Variants in DTNBP1 observed in about 807,000 individuals in gnomAD.
The protein encoded by DTNBP1 is dysbindin.
Under a neutral mutation model 42.8 loss-of-function variants are expected in DTNBP1, and 35 were observed. That is an observed-to-expected ratio of 0.82 (90% CI 0.63 to 1.09). The LOEUF (loss-of-function observed/expected upper bound fraction) is 1.09, where lower values mean the gene tolerates loss of function less well. Ranked by LOEUF, DTNBP1 falls within the 50% of genes least tolerant of loss-of-function variation. The pLI, the probability that DTNBP1 is intolerant of heterozygous loss-of-function variation, is 0.00. For missense variants in DTNBP1, 457 were observed against 424.2 expected, an observed-to-expected ratio of 1.08 and a Z score of -0.68; for synonymous variants, 171 against 162.2, an observed-to-expected ratio of 1.05 and a Z score of -0.41.
intron 5 of DTNBP1, among the ~76,000 whole-genome samples, chr6:15,617,322 C>T (rs1262702838): frequency 6.6e-6 from 1 of 151,858 alleles, no homozygotes; most frequent in Non-Finnish European, 1.5e-5. Context: ...TAAATGCAAT[C>T]CCTATCAAAA....
In DTNBP1 at chr6:15,523,231, C is replaced by T. The variant is rs372877845; in HGVS notation, c.812-12G>A. 3.1e-5 allele frequency: 50 copies of T among 1,613,906 alleles called. No homozygotes were observed. The highest frequency in any genetic ancestry group is 3.8e-5 in the Non-Finnish European group (45 of 1,179,954). On this transcript the variant is annotated splice_polypyrimidine_tract_variant and intron_variant, in intron 9 of 9. Coordinates refer to ENST00000344537, the MANE Select transcript of DTNBP1 (RefSeq NM_032122.5). ...ACTGGATTCAGGCCCTGCAAAATAA[C>T]GTAGGGAAGAAAAAGCCCTGTCATA...
chr6:15,599,830 C>T (rs1490195130), intron 6 of DTNBP1, among the ~76,000 whole-genome samples: 4 of 152,068 alleles, frequency 2.6e-5, no homozygotes, highest in African/African-American at 9.7e-5. Context: ...ATTTTTATTA[C>T]AAATTTAAAA....
At chr6:15,627,618 T>C in intron 4 of DTNBP1, 143 bp from the exon 5 acceptor site, 1 of 1,288,532 alleles carries the variant, frequency 7.8e-7, no homozygotes, top group Non-Finnish European at 1.0e-6. Flanking sequence ...AGACTGAAGT[T>C]GTTTTCATTT....
intron 1 of DTNBP1, 120 bp downstream of exon 1, chr6:15,662,694 G>A: frequency 7.4e-7 from 1 of 1,346,704 alleles, no homozygotes; most frequent in South Asian, 1.2e-5. Flanking sequence ...GGGGCGGGGC[G>A]GGGAGGTGCG....
chr6:15,573,562 C>A (rs1775428588), intron 7 of DTNBP1, among the ~76,000 whole-genome samples: 1 of 152,096 alleles, frequency 6.6e-6, no homozygotes, highest in Admixed American at 6.6e-5. Context: ...CATCTATAAT[C>A]CCAGCACTCT....
At chr6:15,574,230 G>A (rs1227907731) in intron 7 of DTNBP1, among the ~76,000 whole-genome samples, 1 of 152,224 alleles carries the variant, frequency 6.6e-6, no homozygotes. Context: ...GGCCTACTGT[G>A]TGCAAAGTGG....
chr6:15,644,066 G>A (rs1760531208), intron 3 of DTNBP1, among the ~76,000 whole-genome samples: 16 of 151,702 alleles, frequency 1.1e-4, no homozygotes, highest in Admixed American at 1.1e-3. Flanking sequence ...GACACCCATA[G>A]GCTCAAAATA....
intron 7 of DTNBP1, among the ~76,000 whole-genome samples, chr6:15,589,980 G>A (rs1776228770): frequency 6.6e-6 from 1 of 152,092 alleles, no homozygotes; most frequent in African/African-American, 2.4e-5. Context: ...CAAGGCTGGA[G>A]TGCAGTGGCA....
chr6:15,615,395 A>G lies in DTNBP1; in HGVS notation c.360T>C (p.His120=), dbSNP rs777490141. The change falls in exon 6 of 10, where the codon CAT becomes CAC. Residue 120 remains histidine (H), a synonymous_variant. Coordinates refer to ENST00000344537, the MANE Select transcript of DTNBP1 (RefSeq NM_032122.5). The part of the protein sequence containing the change: ...DLESMTANLT[H]LEASFEEVEN... The stretch of plus-strand genomic sequence containing the variant: ...CTACCTCCTCAAAACTCGCCTCTAA[A>G]TGAGCTGAAAGTATATAAAAATAAA... The G allele has an allele frequency of 2.5e-6, 4 of 1,614,010 alleles. No homozygotes were observed. The highest frequency in any genetic ancestry group is 3.4e-6 in the Non-Finnish European group (4 of 1,180,022).
intron 1 of DTNBP1, among the ~76,000 whole-genome samples, chr6:15,661,564 T>G (rs1455278639): frequency 6.8e-6 from 1 of 147,114 alleles, no homozygotes; most frequent in African/African-American, 2.5e-5. Flanking sequence ...GAGAATCGCT[T>G]GAATCCGGGA....
intron 5 of DTNBP1, among the ~76,000 whole-genome samples, chr6:15,621,081 A>G (rs1213416914): frequency 6.6e-6 from 1 of 152,254 alleles, no homozygotes; most frequent in East Asian, 1.9e-4. Context: ...TGGATCTATT[A>G]GATCAAAATG....
intron 7 of DTNBP1, among the ~76,000 whole-genome samples, chr6:15,588,890 A>G (rs760666): frequency 0.82 from 124,734 of 152,186 alleles, 51,405 homozygotes; most frequent in East Asian, 1. Context: ...CTCTCTGGTT[A>G]ATTACTCCCA....
intron 2 of DTNBP1, 79 bp from the exon 3 acceptor site, chr6:15,651,442 T>C (rs780397965): frequency 6.4e-7 from 1 of 1,552,600 alleles, no homozygotes; most frequent in Non-Finnish European, 8.8e-7. Context: ...ACAAGAATTT[T>C]GACATTGTCA....
chr6:15,530,295 T>G (rs1446645670), intron 8 of DTNBP1, among the ~76,000 whole-genome samples: 3 of 152,156 alleles, frequency 2.0e-5, no homozygotes, highest in Non-Finnish European at 4.4e-5. Context: ...GATGCCCGAT[T>G]CCCGTGTGTG....
At chr6:15,623,708 A>T (rs1051375286) in intron 5 of DTNBP1, among the ~76,000 whole-genome samples, 1 of 152,264 alleles carries the variant, frequency 6.6e-6, no homozygotes. Context: ...GAATAGGATT[A>T]TACTACCCTC....
At position 15,587,971 on chromosome 6, in the gene DTNBP1, T is replaced by C. The variant is rs1053207485; in HGVS notation, c.511+5088A>G. Among the ~76,000 whole-genome samples, 8 of 152,168 alleles carry C rather than the reference T, an allele frequency of 5.3e-5. No homozygotes were observed. The highest frequency in any genetic ancestry group is 1.4e-4 in the African/African-American group (6 of 41,430). ...AAACACAAACTTGTCATACAATCCA[T>C]ATATTCTAGTCTTAGCTATATACCC... On this transcript the variant is annotated intron_variant, in intron 7 of 9. Coordinates refer to ENST00000344537, the MANE Select transcript of DTNBP1 (RefSeq NM_032122.5). The surrounding 1 kb of genome is among the most constrained non-coding windows in gnomAD (Gnocchi z 4.1).
At chr6:15,608,683 C>A (rs936446023) in intron 6 of DTNBP1, among the ~76,000 whole-genome samples, 1 of 152,238 alleles carries the variant, frequency 6.6e-6, no homozygotes, top group Non-Finnish European at 1.5e-5. Context: ...CACACTGGAG[C>A]CCTTGGCTGC....
At chr6:15,542,577 T>A (rs1277579254) in intron 7 of DTNBP1, among the ~76,000 whole-genome samples, 1 of 152,014 alleles carries the variant, frequency 6.6e-6, no homozygotes, top group Admixed American at 6.5e-5. Flanking sequence ...TCACATTGTT[T>A]GACAGGATGG....
rs548741860 is a variant in DTNBP1 at position 15,589,193 on chromosome 6, C to A, written c.511+3866G>T. On this transcript the variant is annotated intron_variant, in intron 7 of 9. Coordinates refer to ENST00000344537, the MANE Select transcript of DTNBP1 (RefSeq NM_032122.5). ...AGCCAGTAATATGCATAAGCCACAT[C>A]CACGAGTCATCCAAACAAGTGAGAC... is the stretch of plus-strand genomic sequence containing the variant. Among the ~76,000 whole-genome samples, 3 of 152,342 alleles carry A rather than the reference C, an allele frequency of 2.0e-5. No individual in the cohort carries two copies. In the South Asian group the frequency reaches 6.2e-4, roughly 32 times the overall value.
Sources: allele counts gnomAD v4.1 joint callset (sites outside exome capture counted in the v4.1 genomes callset), GRCh38; gene constraint gnomAD v4.1.1; non-coding constraint Gnocchi (gnomAD v3.1); transcripts MANE v1.5; gene names NCBI Gene and HGNC (gene_info 2026-07-23, HGNC 2026-07-21).